Variants in SEC14L6 observed in about 807,000 individuals in gnomAD.
The protein encoded by SEC14L6 is SEC14 like lipid binding 6.
SEC14L6 carries 40 observed loss-of-function variants against 54.1 expected under a neutral mutation model. That is an observed-to-expected ratio of 0.74 (90% CI 0.57 to 0.96). The LOEUF (loss-of-function observed/expected upper bound fraction) is 0.96. Among genes scored for constraint, SEC14L6 ranks in the 40% least tolerant of loss-of-function variants. The pLI is 0.00. For missense variants in SEC14L6, 471 were observed against 498.3 expected (o/e 0.95, Z 0.52); for synonymous variants, 171 against 198.4 (o/e 0.86, Z 1.16).
rs1261247053 is a variant in SEC14L6 at position 30,531,942 on chromosome 22, C to G, written c.480G>C (p.Leu160=). The G allele has an allele frequency of 1.3e-6, 2 of 1,550,742 alleles. No homozygotes were observed. The highest frequency in any genetic ancestry group is 3.9e-5 in the Admixed American group (2 of 50,984). ...CTATTCCTGGCTTCCACAGATCCCT[C>G]AGGCCCAGCCCTTCGAGACCAAAAA... ...IAIFGLEGLG[L]RDLWKPGIEL... The change falls in exon 6 of 12, where the codon CTG becomes CTC. Residue 160 remains leucine, a synonymous_variant. Transcript: ENST00000402034.
chr22:30,543,790 A>G (rs2085766016), intron 1 of SEC14L6: 3 of 1,517,488 alleles, frequency 2.0e-6, no homozygotes, highest in East Asian at 2.3e-5. Context: ...CACTTCTTCT[A>G]CAAGGTTGCA....
In SEC14L6 at chr22:30,524,501, A is replaced by C. The variant is rs1936702147; in HGVS notation, c.*496T>G. On this transcript the variant is annotated 3_prime_UTR_variant, in exon 12 of 12. Coordinates refer to ENST00000402034, the MANE Select transcript of SEC14L6 (RefSeq NM_001193336.4). ...GGCGACTCTCCTGCCTCAGCCTCCC[A>C]AGTAGCTGGAATTACAAGCAGGCAC... 6.5e-6 allele frequency: 1 copy of C among 152,780 alleles called. No individual in the cohort carries two copies. Among genetic ancestry groups the C allele is most frequent in the Admixed American group, 6.5e-5 (1 of 15,342 alleles). The allele number at this position is 152,780 out of a possible 1,614,324, so 9.5% of individuals were successfully genotyped here. A position where few individuals can be genotyped will look rare whatever the true frequency, so the allele number is the denominator to read the frequency against.
intron 1 of SEC14L6, among the ~76,000 whole-genome samples, chr22:30,539,119 G>A (rs902021660): frequency 2.0e-5 from 3 of 152,220 alleles, no homozygotes; most frequent in African/African-American, 2.4e-5. Flanking sequence ...GCTCACGCCT[G>A]TAATCCCAGC....
At chr22:30,544,260 G>T (rs1033708054) in intron 1 of SEC14L6, 1 of 523,318 alleles carries the variant, frequency 1.9e-6, no homozygotes, top group Non-Finnish European at 3.4e-6. Flanking sequence ...CAGCAGCCAC[G>T]GCCCCCTCTC....
chr22:30,536,124 A>G (rs1025746587), intron 2 of SEC14L6, among the ~76,000 whole-genome samples: 6 of 152,174 alleles, frequency 3.9e-5, no homozygotes, highest in Admixed American at 3.9e-4. Context: ...GGCCTCCAAA[A>G]GTGTTGGGAT....
chr22:30,543,883 A>C, intron 1 of SEC14L6: 1 of 1,569,198 alleles, frequency 6.4e-7, no homozygotes, highest in Non-Finnish European at 8.8e-7. Flanking sequence ...CAAGGGGAAG[A>C]AGCCTGCTCC....
intron 5 of SEC14L6, 149 bp downstream of exon 5, chr22:30,532,376 G>A (rs1254109341): frequency 7.5e-7 from 1 of 1,327,100 alleles, no homozygotes; most frequent in East Asian, 2.5e-5. Context: ...CCTTGGGTGG[G>A]TCCTTGGCCT....
intron 6 of SEC14L6, among the ~76,000 whole-genome samples, chr22:30,529,751 G>A (rs992690644): frequency 7.2e-5 from 11 of 152,098 alleles, no homozygotes; most frequent in South Asian, 4.1e-4. Flanking sequence ...GCCTAGTGCC[G>A]ATTCTTGACA....
At chr22:30,543,842 A>G (rs2085767278) in intron 1 of SEC14L6, 1 of 1,509,272 alleles carries the variant, frequency 6.6e-7, no homozygotes, top group South Asian at 1.1e-5. Context: ...CAGGACACAA[A>G]TGATATCACA....
chr22:30,543,907 C>G (rs547671013), intron 1 of SEC14L6: 1 of 1,601,610 alleles, frequency 6.2e-7, no homozygotes, highest in Admixed American at 1.7e-5. Context: ...GGCCGCGGAG[C>G]CCAACAACCA....
intron 1 of SEC14L6, among the ~76,000 whole-genome samples, chr22:30,544,769 C>T (rs1269934374): frequency 6.6e-6 from 1 of 152,158 alleles, no homozygotes; most frequent in East Asian, 1.9e-4. Flanking sequence ...CGCATCTCTC[C>T]CTTCTAGACC....
At chr22:30,540,367 CTTTT>C (rs753718105) in intron 1 of SEC14L6, among the ~76,000 whole-genome samples, 1,823 of 113,990 alleles carry the variant, frequency 0.016, 19 homozygotes, top group Middle Eastern at 0.067. Flanking sequence ...CTTTTTGTTC[CTTTT>C]TTTTTTTTTT....
At position 30,523,410 on chromosome 22, in the gene SEC14L6, A is replaced by AGT. The variant is rs1316374108; in HGVS notation, c.*1585_*1586dup. 1 of 152,134 alleles carries AGT rather than the reference A, an allele frequency of 6.6e-6. No homozygotes were observed. Among genetic ancestry groups the AGT allele is most frequent in the African/African-American group, 2.4e-5 (1 of 41,362 alleles). 9.4% of individuals were successfully genotyped at this position (152,134 alleles called of 1,614,324 possible). ...TGCTCTGTTTCCCAGGCTGGAGTGC[A>AGT]GTGGTGCAATCTCAACTCACTGCAA... is the stretch of plus-strand genomic sequence containing the variant. On this transcript the variant is annotated 3_prime_UTR_variant, in exon 12 of 12. Transcript: ENST00000402034.
intron 2 of SEC14L6, among the ~76,000 whole-genome samples, chr22:30,537,266 A>C (rs1218966325): frequency 6.6e-6 from 1 of 152,116 alleles, no homozygotes; most frequent in Non-Finnish European, 1.5e-5. Context: ...ATCAAGATGG[A>C]GTCACCCATG....
chr22:30,544,747 G>A (rs999305574), intron 1 of SEC14L6, among the ~76,000 whole-genome samples: 2 of 152,040 alleles, frequency 1.3e-5, no homozygotes, highest in African/African-American at 4.8e-5. Context: ...CAACTGTGTT[G>A]CTCCACCCGG....
At chr22:30,533,256 C>T (rs888151874) in intron 3 of SEC14L6, 16 of 403,884 alleles carry the variant, frequency 4.0e-5, no homozygotes, top group Non-Finnish European at 5.0e-5. Flanking sequence ...CACCCTGTAA[C>T]CTCATCACTT....
At chr22:30,544,055 A>G in intron 1 of SEC14L6, 6 of 1,528,832 alleles carry the variant, frequency 3.9e-6, no homozygotes, top group Non-Finnish European at 4.5e-6. Flanking sequence ...TTCTCAGAGT[A>G]TGCCAGCATC....
chr22:30,525,296 G>A, intron 11 of SEC14L6, 54 bp downstream of exon 11: 1 of 1,577,058 alleles, frequency 6.3e-7, no homozygotes, highest in Non-Finnish European at 8.6e-7. Flanking sequence ...GCACATTGTA[G>A]CACCCTCCCC....
chr22:30,542,772 A>G (rs987852425), intron 1 of SEC14L6: 6 of 1,589,694 alleles, frequency 3.8e-6, no homozygotes, highest in Admixed American at 1.7e-5. Context: ...GGCCCATCCA[A>G]CGGTTCAGAG....
Sources: allele counts gnomAD v4.1 joint callset (sites outside exome capture counted in the v4.1 genomes callset), GRCh38; gene constraint gnomAD v4.1.1; transcripts MANE v1.5; gene names NCBI Gene and HGNC (gene_info 2026-07-23, HGNC 2026-07-21).